Variants in RYR3 observed in about 807,000 individuals in gnomAD.
The protein encoded by RYR3 is brain ryanodine receptor-calcium release channel.
A neutral mutation model predicts 584.3 loss-of-function variants in RYR3; 207 were observed. The ratio of observed to expected loss-of-function variants is 0.35; its 90% confidence interval spans 0.32 to 0.40. The LOEUF is 0.40. Ranked by LOEUF, RYR3 falls within the 10% of genes least tolerant of loss-of-function variation. The pLI, the probability that RYR3 is intolerant of heterozygous loss-of-function variation, is 1.00. For missense variants in RYR3, 5,616 were observed against 6,089.2 expected (o/e 0.92, Z 2.59); for synonymous variants, 2,416 against 2,248.5 (o/e 1.07, Z -2.11).
intron 10 of RYR3, among the ~76,000 whole-genome samples, chr15:33,558,923 G>A (rs2057251170): frequency 6.6e-6 from 1 of 152,110 alleles, no homozygotes; most frequent in South Asian, 2.1e-4. Context: ...CTGGGGGAAA[G>A]CCTTTTCGTG....
At chr15:33,507,392 C>T (rs1288755630) in intron 3 of RYR3, among the ~76,000 whole-genome samples, 1 of 152,128 alleles carries the variant, frequency 6.6e-6, no homozygotes, top group Non-Finnish European at 1.5e-5. Flanking sequence ...ACATTTTGTG[C>T]CTCTCAGGGT....
rs1595784290 is a variant in RYR3 at position 33,601,691 on chromosome 15, A to G, written c.1922+139A>G. 3.5e-5 allele frequency: 30 copies of G among 846,180 alleles called. No individual in the cohort carries two copies. The East Asian group carries it at 7.5e-4, about 21-fold the overall frequency. 52.4% of individuals were successfully genotyped at this position (846,180 alleles called of 1,614,324 possible). ...TGATACAAGTACATAAGACAAGACC[A>G]AGCAAATGTGCATTTCCTATGACTA... On this transcript the variant is annotated intron_variant, in intron 17 of 103. Coordinates refer to ENST00000634891, the MANE Select transcript of RYR3 (RefSeq NM_001036.6).
intron 16 of RYR3, among the ~76,000 whole-genome samples, chr15:33,598,245 T>TAAAAAAA (rs758116290): frequency 1.3e-4 from 2 of 15,042 alleles, no homozygotes. Flanking sequence ...AAAAAATTGC[T>TAAAAAAA]CAAAAAAAAA....
chr15:33,434,658 G>GT (rs1338697008), intron 1 of RYR3, among the ~76,000 whole-genome samples: 1 of 152,106 alleles, frequency 6.6e-6, no homozygotes, highest in African/African-American at 2.4e-5. Flanking sequence ...TTCAGCTAAA[G>GT]TAACAGGGTA....
At chr15:33,656,327 T>C (rs2062821944) in intron 32 of RYR3, among the ~76,000 whole-genome samples, 1 of 152,232 alleles carries the variant, frequency 6.6e-6, no homozygotes, top group Non-Finnish European at 1.5e-5. Context: ...CATGGGCATG[T>C]AAGTTCCTCA....
chr15:33,763,772 A>C (rs145624659), intron 60 of RYR3, among the ~76,000 whole-genome samples: 27 of 152,076 alleles, frequency 1.8e-4, no homozygotes, highest in African/African-American at 6.5e-4. Flanking sequence ...ACACGCCTGT[A>C]ATCCCAGCTT....
intron 1 of RYR3, among the ~76,000 whole-genome samples, chr15:33,374,475 A>T (rs1413299395): frequency 6.6e-6 from 1 of 151,934 alleles, no homozygotes; most frequent in Admixed American, 6.6e-5. Flanking sequence ...TTTTTCCTCA[A>T]TTATGGTCAG....
chr15:33,464,491 C>CTATATATAT (rs2048315699), intron 1 of RYR3, among the ~76,000 whole-genome samples: 1 of 89,100 alleles, frequency 1.1e-5, no homozygotes, highest in Non-Finnish European at 2.0e-5. Context: ...TATATATATA[C>CTATATATAT]ACATATATAT....
At chr15:33,710,301 GAA>G (rs1491207504) in intron 43 of RYR3, among the ~76,000 whole-genome samples, 5 of 151,704 alleles carry the variant, frequency 3.3e-5, no homozygotes, top group Admixed American at 1.3e-4. Flanking sequence ...AAAGCAGGAG[GAA>G]GAGAGAGAGA....
At chr15:33,715,550 CTG>C (rs1391974545) in intron 43 of RYR3, among the ~76,000 whole-genome samples, 1 of 152,176 alleles carries the variant, frequency 6.6e-6, no homozygotes, top group Non-Finnish European at 1.5e-5. Context: ...TTTGTACTAA[CTG>C]TAAGGTATCT....
At position 33,752,654 on chromosome 15, in the gene RYR3, T is replaced by C. The variant is rs1383997814; in HGVS notation, c.8399+2368T>C. ...GGCTGAGTTGATGAGGTTTTCTAAG[T>C]ATACAATCATGTCATCTGCAAACAG... On this transcript the variant is annotated intron_variant, in intron 57 of 103. Coordinates refer to ENST00000634891, the MANE Select transcript of RYR3 (RefSeq NM_001036.6). Among the ~76,000 whole-genome samples, 5 of 152,210 alleles carry C rather than the reference T, an allele frequency of 3.3e-5. No individual in the cohort carries two copies. The East Asian group carries it at 9.6e-4, about 29-fold the overall frequency.
chr15:33,683,259 G>A (rs1427714628), intron 38 of RYR3, among the ~76,000 whole-genome samples: 1 of 152,008 alleles, frequency 6.6e-6, no homozygotes, highest in Non-Finnish European at 1.5e-5. Context: ...CTCCCAAAGT[G>A]CTGGGATTAC....
In RYR3 at chr15:33,520,321, G is replaced by A. The variant is rs144731746; in HGVS notation, c.280-10271G>A. Among the ~76,000 whole-genome samples, 669 of 152,278 alleles carry A rather than the reference G, an allele frequency of 4.4e-3. 2 individuals are homozygous for A. Among genetic ancestry groups the A allele is most frequent in the African/African-American group, 0.015 (627 of 41,556 alleles). On this transcript the variant is annotated intron_variant, in intron 3 of 103. Coordinates refer to ENST00000634891, the MANE Select transcript of RYR3 (RefSeq NM_001036.6). Reference sequence around the variant, plus strand: ...TCAAATTTTCACGTCAAGGTAATCGGACTTTTTGAATGTTAGACTCTTTGT... The same window carrying A: ...TCAAATTTTCACGTCAAGGTAATCGAACTTTTTGAATGTTAGACTCTTTGT...
intron 20 of RYR3, among the ~76,000 whole-genome samples, chr15:33,626,489 G>A (rs4477670): frequency 0.15 from 23,235 of 152,124 alleles, 2,220 homozygotes; most frequent in South Asian, 0.23. Flanking sequence ...AGAAAAACCC[G>A]TTTTCTGGGA....
At chr15:33,349,776 G>A (rs1205981416) in intron 1 of RYR3, among the ~76,000 whole-genome samples, 2 of 126,248 alleles carry the variant, frequency 1.6e-5, no homozygotes, top group East Asian at 4.7e-4. Flanking sequence ...CCCAGAGTGT[G>A]ATGTTCCCCT....
chr15:33,323,919 A>G (rs16969320), intron 1 of RYR3, among the ~76,000 whole-genome samples: 20,495 of 152,168 alleles, frequency 0.13, 2,973 homozygotes, highest in African/African-American at 0.36. Flanking sequence ...TCCCGGATCT[A>G]GTCTGAACTG....
intron 16 of RYR3, among the ~76,000 whole-genome samples, chr15:33,594,337 G>A (rs1168579277): frequency 6.6e-6 from 1 of 152,174 alleles, no homozygotes; most frequent in African/African-American, 2.4e-5. Context: ...GCCATGAATT[G>A]AGACTACTCA....
Position 33,844,874 on chromosome 15 carries a change from C to T in RYR3, c.13309C>T (p.Pro4437Ser), listed in dbSNP as rs746281207. ...TATTTTGAGCCAGGTCACTGAAGAA[C>T]CTTTAGAAGAAGAGACAGAGGATGT... ...ILLFYKVTEE[P>S]LEEETEDVAN... Residue 4437 changes from proline to serine, a missense_variant, in exon 93 of 104, where the codon CCT becomes TCT. By Grantham distance (74) the Pro-to-Ser change is moderately conservative. Coordinates refer to ENST00000634891, the MANE Select transcript of RYR3 (RefSeq NM_001036.6). 17 of 1,610,604 alleles carry T rather than the reference C, an allele frequency of 1.1e-5. No individual in the cohort carries two copies. In the African/African-American group the frequency reaches 2.0e-4, roughly 19 times the overall value.
At chr15:33,694,146 C>G (rs999626809) in intron 38 of RYR3, among the ~76,000 whole-genome samples, 1 of 142,490 alleles carries the variant, frequency 7.0e-6, no homozygotes. Context: ...GCACTATCAT[C>G]CTAATATCAT....
Sources: gnomAD v4.1 joint callset for allele counts (sites outside exome capture counted in the v4.1 genomes callset) on GRCh38, gnomAD v4.1.1 for gene constraint, MANE v1.5 for transcripts, NCBI Gene and HGNC (gene_info 2026-07-23, HGNC 2026-07-21) for gene names.